Variants in UBE2E1 observed in about 807,000 individuals in gnomAD.
UBE2E1 encodes the protein ubiquitin conjugating enzyme E2 E1, also known as ubiquitin-conjugating enzyme E2 E1.
In UBE2E1, 6 loss-of-function variants were observed where a neutral mutation model predicts 21.4. The observed-to-expected ratio is 0.28, with a 90% confidence interval of 0.15 to 0.55. The LOEUF (loss-of-function observed/expected upper bound fraction) is 0.55. Ranked by LOEUF, UBE2E1 falls within the 20% of genes least tolerant of loss-of-function variation. The pLI is 0.93. For synonymous variants in UBE2E1, 87 were observed against 82.7 expected (o/e 1.05, Z -0.28); for missense variants, 142 against 236.5 (o/e 0.60, Z 2.62).
chr3:23,873,026 A>G lies in UBE2E1; in HGVS notation c.204-14541A>G, dbSNP rs1279416572. Among the ~76,000 whole-genome samples, 3 of 152,120 alleles carry G rather than the reference A, an allele frequency of 2.0e-5. No homozygotes were observed. The East Asian group carries it at 5.8e-4, about 29-fold the overall frequency. On this transcript the variant is annotated intron_variant, in intron 3 of 5. Coordinates refer to ENST00000306627, the MANE Select transcript of UBE2E1 (RefSeq NM_003341.5). The stretch of plus-strand genomic sequence containing the variant: ...AGCGAGACTCCATCTCAAAAAAAAA[A>G]AAATTAACCTAGAAGACTGGTACTA...
At chr3:23,868,483 A>T (rs888367709) in intron 3 of UBE2E1, among the ~76,000 whole-genome samples, 2 of 151,754 alleles carry the variant, frequency 1.3e-5, no homozygotes, top group South Asian at 4.2e-4. Flanking sequence ...TAATTTTTGA[A>T]TTTTTATTAG....
intron 3 of UBE2E1, among the ~76,000 whole-genome samples, chr3:23,846,298 C>T (rs1351908260): frequency 6.6e-6 from 1 of 152,038 alleles, no homozygotes; most frequent in Non-Finnish European, 1.5e-5. Flanking sequence ...TGCAGTGGCC[C>T]ATTCCTGTAG....
rs1699357579 is a variant in UBE2E1, at chr3:23,810,346, T to C, written c.153-1114T>C. 5.5e-6 allele frequency: 7 copies of C among 1,275,776 alleles called. No individual in the cohort carries two copies. In the East Asian group the frequency reaches 1.8e-4, roughly 33 times the overall value. 79.0% of individuals were successfully genotyped at this position (1,275,776 alleles called of 1,614,324 possible). ...GTAAGCAAAAGACAAAGGCCAGGGC[T>C]TGGTGTGAACTGCCTGGTGGCTTCG... On this transcript the variant is annotated intron_variant, in intron 2 of 5. Transcript: ENST00000306627. The surrounding 1 kb of genome is among the most constrained non-coding windows in gnomAD (Gnocchi z 5.8).
rs1005496607 is a variant in UBE2E1 at position 23,842,267 on chromosome 3, G to A, written c.203+30757G>A. Among the ~76,000 whole-genome samples, 7 of 138,636 alleles carry A rather than the reference G, an allele frequency of 5.0e-5. No homozygotes were observed. Among genetic ancestry groups the A allele is most frequent in the East Asian group, 4.2e-4 (2 of 4,754 alleles). 91.0% of individuals were successfully genotyped at this position (138,636 alleles called of 152,430 possible). A position where few individuals can be genotyped will look rare whatever the true frequency, so the allele number is the denominator to read the frequency against. On this transcript the variant is annotated intron_variant, in intron 3 of 5. Transcript: ENST00000306627. This position sits in a 1 kb window ranked among gnomAD's most constrained non-coding sequence, Gnocchi z 4.6. ...TGTGTGTGGTGTTGTTGTTGTTGGC[G>A]ACAGGGTCTCAATTCGTCGCCTAGG...
chr3:23,854,962 CAGGTT>C (rs1384724894), intron 3 of UBE2E1, among the ~76,000 whole-genome samples: 2 of 152,198 alleles, frequency 1.3e-5, no homozygotes, highest in Non-Finnish European at 2.9e-5. Context: ...TGTCCACTGA[CAGGTT>C]AGGATTCTCA....
chr3:23,834,633 A>T (rs971136253), intron 3 of UBE2E1, among the ~76,000 whole-genome samples: 1 of 152,032 alleles, frequency 6.6e-6, no homozygotes, highest in Non-Finnish European at 1.5e-5. Flanking sequence ...GGGAGCTGAG[A>T]TGGGAGGATT....
At chr3:23,879,880 T>C (rs1274932461) in intron 3 of UBE2E1, among the ~76,000 whole-genome samples, 1 of 152,258 alleles carries the variant, frequency 6.6e-6, no homozygotes, top group African/African-American at 2.4e-5. Context: ...CTATGGTTTA[T>C]GTGTTTGTAG....
intron 3 of UBE2E1, among the ~76,000 whole-genome samples, chr3:23,843,843 T>G (rs1047941972): frequency 1.3e-5 from 2 of 152,232 alleles, no homozygotes; most frequent in African/African-American, 4.8e-5. Context: ...TGTCCAAAAC[T>G]TAAAACTTAA....
At chr3:23,886,155 A>AT (rs1368059404) in intron 3 of UBE2E1, among the ~76,000 whole-genome samples, 1 of 152,204 alleles carries the variant, frequency 6.6e-6, no homozygotes, top group Non-Finnish European at 1.5e-5. Context: ...ACCCGAGATC[A>AT]TGCCACTCAC....
At chr3:23,807,442 T>C (rs768440125) in intron 2 of UBE2E1, 21 bp downstream of exon 2, 94 of 1,594,000 alleles carry the variant, frequency 5.9e-5, no homozygotes, top group East Asian at 2.5e-4. Flanking sequence ...CTTTTTTTTT[T>C]CCACAGGCTT....
rs74378802 is a variant in UBE2E1 at position 23,832,771 on chromosome 3, C to T, written c.203+21261C>T. Among the ~76,000 whole-genome samples the T allele has an allele frequency of 8.1e-3, 1,228 of 152,258 alleles. 10 individuals carry two copies. The highest frequency in any genetic ancestry group is 0.028 in the African/African-American group (1,145 of 41,536). On this transcript the variant is annotated intron_variant, in intron 3 of 5. Coordinates refer to ENST00000306627, the MANE Select transcript of UBE2E1 (RefSeq NM_003341.5). ...AATACAGGGATGTGGTGACTCACAC[C>T]TGTAATCTCAGCACTTTGGTTAGCT...
At chr3:23,847,776 T>C (rs1700239191) in intron 3 of UBE2E1, among the ~76,000 whole-genome samples, 1 of 152,150 alleles carries the variant, frequency 6.6e-6, no homozygotes, top group Non-Finnish European at 1.5e-5. Context: ...ATTACAGGCA[T>C]GAGCCACCAT....
intron 3 of UBE2E1, among the ~76,000 whole-genome samples, chr3:23,813,873 A>G (rs577111760): frequency 1.3e-5 from 2 of 152,238 alleles, no homozygotes; most frequent in Non-Finnish European, 2.9e-5. Flanking sequence ...GCGTCCAATG[A>G]AAATCTATGA....
At chr3:23,869,298 T>G (rs1003169602) in intron 3 of UBE2E1, among the ~76,000 whole-genome samples, 4 of 151,792 alleles carry the variant, frequency 2.6e-5, no homozygotes, top group Non-Finnish European at 5.9e-5. Context: ...TATTAGCCCT[T>G]AATCATGAAC....
chr3:23,824,331 A>G (rs1317207503), intron 3 of UBE2E1, among the ~76,000 whole-genome samples: 1 of 152,172 alleles, frequency 6.6e-6, no homozygotes, highest in African/African-American at 2.4e-5. Context: ...GTATATTGAT[A>G]ATGAATTTGT....
intron 3 of UBE2E1, among the ~76,000 whole-genome samples, chr3:23,830,048 T>TA (rs1699836109): frequency 6.6e-6 from 1 of 152,222 alleles, no homozygotes; most frequent in African/African-American, 2.4e-5. Flanking sequence ...ATTTAAAAGA[T>TA]ACTTTGTCAA....
intron 2 of UBE2E1, chr3:23,807,933 T>G (rs1358772425): frequency 6.6e-6 from 1 of 152,230 alleles, no homozygotes. Flanking sequence ...TGAAGACAGA[T>G]GTTTTCTGGT....
chr3:23,860,473 G>A (rs1700529704), intron 3 of UBE2E1, among the ~76,000 whole-genome samples: 1 of 152,192 alleles, frequency 6.6e-6, no homozygotes, highest in South Asian at 2.1e-4. Context: ...AATTCTGAGA[G>A]AGGTACAATT....
At chr3:23,847,540 G>T (rs1000696093) in intron 3 of UBE2E1, among the ~76,000 whole-genome samples, 1 of 142,840 alleles carries the variant, frequency 7.0e-6, no homozygotes, top group African/African-American at 2.6e-5. Flanking sequence ...TGTCACCCAG[G>T]CTGGAGTGCA....
Sources: allele counts gnomAD v4.1 joint callset (sites outside exome capture counted in the v4.1 genomes callset), GRCh38; gene constraint gnomAD v4.1.1; non-coding constraint Gnocchi (gnomAD v3.1); transcripts MANE v1.5; gene names NCBI Gene and HGNC (gene_info 2026-07-23, HGNC 2026-07-21).